The following PSMD11 variants were observed in gnomAD, a reference collection of about 807,000 sequenced individuals.
PSMD11 encodes 26S proteasome non-ATPase regulatory subunit 11.
A neutral mutation model predicts 62.3 loss-of-function variants in PSMD11; 5 were observed. That is an observed-to-expected ratio of 0.08 (90% CI 0.04 to 0.17). PSMD11 has a LOEUF of 0.17. Among genes scored for constraint, PSMD11 ranks in the 10% least tolerant of loss-of-function variants. PSMD11 has a pLI of 1.00. For missense variants in PSMD11, 310 were observed against 512.9 expected, an observed-to-expected ratio of 0.60 and a Z score of 3.82; for synonymous variants, 191 against 191.8, an observed-to-expected ratio of 1.00 and a Z score of 0.03.
intron 6 of PSMD11, among the ~76,000 whole-genome samples, chr17:32,470,747 TTCTC>T (rs1567857157): frequency 4.6e-5 from 7 of 152,232 alleles, no homozygotes; most frequent in Non-Finnish European, 1.5e-5. Flanking sequence ...GTCTGGCTTA[TTCTC>T]TCTCTATACT....
rs1908244344 is a variant in PSMD11, at chr17:32,473,853, C to T, written c.696C>T (p.Phe232=). The change falls in exon 7 of 14, where the codon TTC becomes TTT. Residue 232 remains phenylalanine, a synonymous_variant. Transcript: ENST00000261712. ...EKDWKTAYSY[F]YEAFEGYDSI... ...ACTGGAAAACTGCGTACTCATACTT[C>T]TATGAGGCATTTGAGGGTTATGACT... 2 of 1,613,438 alleles carry T rather than the reference C, an allele frequency of 1.2e-6. No homozygotes were observed. The highest frequency in any genetic ancestry group is 1.3e-5 in the African/African-American group (1 of 74,936).
chr17:32,454,298 A>G (rs1907588172), intron 2 of PSMD11, among the ~76,000 whole-genome samples, 197 bp from the exon 3 acceptor site: 1 of 152,224 alleles, frequency 6.6e-6, no homozygotes, highest in Admixed American at 6.5e-5. Context: ...AACAGAATGC[A>G]AATTTGGTAT....
At chr17:32,448,156 G>A (rs941319229) in intron 2 of PSMD11, among the ~76,000 whole-genome samples, 1 of 151,824 alleles carries the variant, frequency 6.6e-6, no homozygotes, top group Admixed American at 6.6e-5. Context: ...TGGGATTCCA[G>A]GTGTGAGCCA....
At chr17:32,467,493 G>A (rs539861963) in intron 5 of PSMD11, among the ~76,000 whole-genome samples, 1 of 152,108 alleles carries the variant, frequency 6.6e-6, no homozygotes, top group Non-Finnish European at 1.5e-5. Context: ...TGATGTGCCC[G>A]CCTTGGCCTC....
intron 3 of PSMD11, among the ~76,000 whole-genome samples, chr17:32,456,830 C>G (rs1907666996): frequency 6.6e-6 from 1 of 151,612 alleles, no homozygotes; most frequent in Non-Finnish European, 1.5e-5. Flanking sequence ...CGTGCCTGGC[C>G]CTAATTTTGT....
intron 6 of PSMD11, among the ~76,000 whole-genome samples, chr17:32,472,170 G>A (rs1289722753): frequency 6.7e-6 from 1 of 149,850 alleles, no homozygotes; most frequent in Non-Finnish European, 1.5e-5. Flanking sequence ...GCCTGGCAGA[G>A]CAGGTTCTTT....
At chr17:32,450,553 C>T (rs1907463539) in intron 2 of PSMD11, among the ~76,000 whole-genome samples, 4 of 151,528 alleles carry the variant, frequency 2.6e-5, no homozygotes, top group Admixed American at 2.6e-4. Context: ...AGGTGTGAGC[C>T]ACCGCGCCCA....
At chr17:32,471,801 C>T (rs2150837639) in intron 6 of PSMD11, among the ~76,000 whole-genome samples, 1 of 152,048 alleles carries the variant, frequency 6.6e-6, no homozygotes, top group Admixed American at 6.5e-5. Context: ...TGACATTGAG[C>T]TGGGAGGTCA....
At chr17:32,471,408 G>A (rs1306008435) in intron 6 of PSMD11, among the ~76,000 whole-genome samples, 1 of 152,206 alleles carries the variant, frequency 6.6e-6, no homozygotes, top group Non-Finnish European at 1.5e-5. Context: ...GGCATTATGT[G>A]AAAGCTGTAC....
chr17:32,471,379 T>C (rs1248537082), intron 6 of PSMD11, among the ~76,000 whole-genome samples: 1 of 152,202 alleles, frequency 6.6e-6, no homozygotes, highest in Non-Finnish European at 1.5e-5. Flanking sequence ...TAGCCATGTA[T>C]AATTAAGTTC....
At chr17:32,478,468 C>T (rs567016795) in intron 9 of PSMD11, among the ~76,000 whole-genome samples, 1 of 152,304 alleles carries the variant, frequency 6.6e-6, no homozygotes, top group South Asian at 2.1e-4. Flanking sequence ...AATACTTGGT[C>T]TAGATCATTT....
At chr17:32,464,264 T>C (rs534945169) in intron 4 of PSMD11, 144 bp downstream of exon 4, 19 of 867,048 alleles carry the variant, frequency 2.2e-5, no homozygotes, top group South Asian at 1.3e-4. Flanking sequence ...GCCCCACTTA[T>C]GATAATTGCT....
At chr17:32,448,313 C>G (rs1033130132) in intron 2 of PSMD11, among the ~76,000 whole-genome samples, 1 of 151,732 alleles carries the variant, frequency 6.6e-6, no homozygotes, top group Non-Finnish European at 1.5e-5. Flanking sequence ...CATTAAGTAG[C>G]TATAAAAAGA....
At chr17:32,454,744 C>T (rs746985262) in intron 3 of PSMD11, 125 bp downstream of exon 3, 22 of 1,032,462 alleles carry the variant, frequency 2.1e-5, no homozygotes, top group South Asian at 3.3e-5. Context: ...CAGGACTTAT[C>T]ATGTCAGTTT....
At chr17:32,467,105 C>A (rs1240858062) in intron 5 of PSMD11, among the ~76,000 whole-genome samples, 3 of 151,548 alleles carry the variant, frequency 2.0e-5, no homozygotes, top group Admixed American at 6.6e-5. Context: ...CCACCATGCT[C>A]GGCTAATTTT....
chr17:32,470,594 GT>G (rs998357528), intron 6 of PSMD11, among the ~76,000 whole-genome samples: 77 of 152,370 alleles, frequency 5.1e-4, no homozygotes, highest in African/African-American at 1.7e-3. Context: ...GCCTGTTTCT[GT>G]TTTTAACAAT....
At chr17:32,474,952 C>T (rs1054066625) in intron 8 of PSMD11, 128 bp downstream of exon 8, 30 of 872,434 alleles carry the variant, frequency 3.4e-5, no homozygotes, top group Non-Finnish European at 5.6e-5. Flanking sequence ...CACTCACTTC[C>T]TTCCCTTAAG....
chr17:32,446,012 CTG>C (rs2150827161), intron 1 of PSMD11: 1 of 152,294 alleles, frequency 6.6e-6, no homozygotes, highest in South Asian at 2.1e-4. Context: ...TTTTAATAGT[CTG>C]TGTCTAGTGT....
intron 8 of PSMD11, 130 bp downstream of exon 8, chr17:32,474,954 TC>T: frequency 2.3e-6 from 2 of 852,040 alleles, no homozygotes; most frequent in Non-Finnish European, 3.8e-6. Context: ...CTCACTTCCT[TC>T]CCTTAAGCCC....
Sources: gnomAD v4.1 joint callset for allele counts (sites outside exome capture counted in the v4.1 genomes callset) on GRCh38, gnomAD v4.1.1 for gene constraint, MANE v1.5 for transcripts, NCBI Gene and HGNC (gene_info 2026-07-23, HGNC 2026-07-21) for gene names.